GATAD2A: variants seen among roughly 807,000 people sequenced by gnomAD.
GATAD2A encodes transcriptional repressor p66-alpha.
In GATAD2A, 12 loss-of-function variants were observed where a neutral mutation model predicts 68.5. That is an observed-to-expected ratio of 0.18 (90% CI 0.11 to 0.28). The LOEUF is 0.28. Among genes scored for constraint, GATAD2A ranks in the 10% least tolerant of loss-of-function variants. GATAD2A has a pLI of 1.00. For synonymous variants in GATAD2A, 410 were observed against 375.3 expected, an observed-to-expected ratio of 1.09 and a Z score of -1.07; for missense variants, 755 against 868.5, an observed-to-expected ratio of 0.87 and a Z score of 1.64.
intron 1 of GATAD2A, among the ~76,000 whole-genome samples, chr19:19,395,387 G>A (rs569241740): frequency 7.9e-5 from 12 of 152,076 alleles, no homozygotes; most frequent in East Asian, 1.9e-4. Context: ...CCCAGGAGGC[G>A]GGGTTTGCAA....
chr19:19,386,671 G>A (rs1392545013), intron 1 of GATAD2A, among the ~76,000 whole-genome samples: 1 of 151,832 alleles, frequency 6.6e-6, no homozygotes, highest in Non-Finnish European at 1.5e-5. Context: ...GGGAACCCCC[G>A]TCTCTCCGAG....
At chr19:19,467,465 T>C (rs932350791) in intron 2 of GATAD2A, among the ~76,000 whole-genome samples, 2 of 152,166 alleles carry the variant, frequency 1.3e-5, no homozygotes, top group Non-Finnish European at 2.9e-5. Flanking sequence ...TTCTTGACAA[T>C]ATGGATTAGT....
At chr19:19,419,709 T>A (rs1263875884) in intron 1 of GATAD2A, among the ~76,000 whole-genome samples, 1 of 151,850 alleles carries the variant, frequency 6.6e-6, no homozygotes, top group Non-Finnish European at 1.5e-5. Context: ...AGAGATGGGG[T>A]TTTGCCATGT....
At chr19:19,448,600 T>G (rs2056019844) in intron 1 of GATAD2A, among the ~76,000 whole-genome samples, 1 of 152,216 alleles carries the variant, frequency 6.6e-6, no homozygotes, top group African/African-American at 2.4e-5. Context: ...GCAATTCTCC[T>G]GCCTCAGCTT....
chr19:19,422,954 G>T (rs1355878133), intron 1 of GATAD2A, among the ~76,000 whole-genome samples: 22 of 152,074 alleles, frequency 1.4e-4, no homozygotes, highest in Non-Finnish European at 5.9e-5. Context: ...CTCATGATCT[G>T]CCCGCCTCGG....
chr19:19,406,298 C>T (rs2050241997), intron 1 of GATAD2A, among the ~76,000 whole-genome samples: 2 of 151,786 alleles, frequency 1.3e-5, no homozygotes, highest in African/African-American at 4.8e-5. Context: ...CCTGCGCTTC[C>T]TGCGGGGTCG....
chr19:19,443,231 C>G (rs555352362), intron 1 of GATAD2A, among the ~76,000 whole-genome samples: 2 of 152,294 alleles, frequency 1.3e-5, no homozygotes, highest in East Asian at 3.9e-4. Context: ...CAGTGATTCT[C>G]CCTAGCTGCT....
intron 2 of GATAD2A, among the ~76,000 whole-genome samples, chr19:19,467,381 C>CA (rs2057954595): frequency 6.6e-6 from 1 of 151,840 alleles, no homozygotes. Context: ...TCTCAAAAAA[C>CA]AAAAAAATAT....
intron 1 of GATAD2A, among the ~76,000 whole-genome samples, chr19:19,422,742 G>T: frequency 6.8e-6 from 1 of 146,762 alleles, no homozygotes. Context: ...GATGGAGTCT[G>T]GCTCTGTCAC....
chr19:19,401,139 CAAA>C (rs750599017), upstream of GATAD2A, among the ~76,000 whole-genome samples: 1 of 42,534 alleles, frequency 2.4e-5, no homozygotes, highest in African/African-American at 9.4e-5. Context: ...GACTCTGTCT[CAAA>C]AAAAAAAAAA....
chr19:19,495,269 C>T (rs751402197), intron 5 of GATAD2A, among the ~76,000 whole-genome samples: 2 of 152,092 alleles, frequency 1.3e-5, no homozygotes, highest in African/African-American at 2.4e-5. Flanking sequence ...GTTGGAATTA[C>T]AGGCGTGAGC....
chr19:19,457,838 C>G (rs544429083), intron 1 of GATAD2A, among the ~76,000 whole-genome samples: 1 of 152,134 alleles, frequency 6.6e-6, no homozygotes, highest in South Asian at 2.1e-4. Flanking sequence ...TGAGTTCAGA[C>G]CTAGCCTGGA....
chr19:19,454,183 G>T (rs573259115), intron 1 of GATAD2A, among the ~76,000 whole-genome samples: 1 of 135,312 alleles, frequency 7.4e-6, no homozygotes, highest in Non-Finnish European at 1.5e-5. Flanking sequence ...TTTTAGTAGA[G>T]ACAGGGTTTC....
chr19:19,451,149 C>T (rs562634340), intron 1 of GATAD2A, among the ~76,000 whole-genome samples: 8 of 151,508 alleles, frequency 5.3e-5, no homozygotes, highest in South Asian at 2.1e-4. Flanking sequence ...CTGAGGCAGC[C>T]GGATCATGAG....
At chr19:19,457,369 C>T (rs1344736290) in intron 1 of GATAD2A, 1 of 262,066 alleles carries the variant, frequency 3.8e-6, no homozygotes, top group African/African-American at 2.3e-5. Context: ...GATGGCTGTT[C>T]CATCCTCCTC....
chr19:19,489,557 T>C (rs1443275000), intron 2 of GATAD2A, among the ~76,000 whole-genome samples: 1 of 152,222 alleles, frequency 6.6e-6, no homozygotes, highest in East Asian at 1.9e-4. Flanking sequence ...GAGTTATTGA[T>C]TAGTCGCAGG....
At chr19:19,416,721 T>C (rs1879032607) in intron 1 of GATAD2A, among the ~76,000 whole-genome samples, 1 of 152,112 alleles carries the variant, frequency 6.6e-6, no homozygotes, top group Non-Finnish European at 1.5e-5. Context: ...GTTTAGCCAG[T>C]CTTCTGAGTT....
chr19:19,442,524 G>T (rs1311140824), intron 1 of GATAD2A, among the ~76,000 whole-genome samples: 1 of 152,124 alleles, frequency 6.6e-6, no homozygotes, highest in Non-Finnish European at 1.5e-5. Context: ...CTACTCGAGA[G>T]GCTGAGGCAG....
intron 2 of GATAD2A, among the ~76,000 whole-genome samples, chr19:19,467,836 A>T (rs973257219): frequency 3.9e-5 from 6 of 152,168 alleles, no homozygotes; most frequent in Middle Eastern, 3.2e-3. Flanking sequence ...ACATATTGCT[A>T]TGTTGGATGA....
Sources: gnomAD v4.1 joint callset for allele counts (sites outside exome capture counted in the v4.1 genomes callset) on GRCh38, gnomAD v4.1.1 for gene constraint, MANE v1.5 for transcripts, NCBI Gene and HGNC (gene_info 2026-07-23, HGNC 2026-07-21) for gene names.